SYNE2: variants seen among roughly 807,000 people sequenced by gnomAD.
SYNE2 encodes spectrin repeat containing nuclear envelope protein 2.
In SYNE2, 431 loss-of-function variants were observed where a neutral mutation model predicts 856.3. That is an observed-to-expected ratio of 0.50 (90% CI 0.47 to 0.55). The LOEUF (loss-of-function observed/expected upper bound fraction) is 0.55, where lower values mean the gene tolerates loss of function less well. Among genes scored for constraint, SYNE2 ranks in the 20% least tolerant of loss-of-function variants. The pLI is 0.00. For missense variants in SYNE2, 8,129 were observed against 8,023.2 expected (o/e 1.01, Z -0.50); for synonymous variants, 2,923 against 2,872.3 (o/e 1.02, Z -0.56).
chr14:64,129,233 G>C lies in SYNE2; in HGVS notation c.14020-549G>C, dbSNP rs138798564. On this transcript the variant is annotated intron_variant, in intron 74 of 115. Coordinates refer to ENST00000555002, the MANE Select transcript of SYNE2 (RefSeq NM_182914.3). ...GAGGTGTGATAATTGCTTGAGCTTG[G>C]GGGGCGGAGGTTGCAGTGAACTGAG... Among the ~76,000 whole-genome samples, 824 of 152,340 alleles carry C rather than the reference G, an allele frequency of 5.4e-3. 9 individuals carry two copies. The highest frequency in any genetic ancestry group is 0.019 in the African/African-American group (795 of 41,578).
intron 1 of SYNE2, among the ~76,000 whole-genome samples, chr14:63,818,038 A>AAC: frequency 6.7e-6 from 1 of 148,790 alleles, no homozygotes; most frequent in Middle Eastern, 3.4e-3. Flanking sequence ...AAAAAAAAAA[A>AAC]AAAAAAAACA....
At chr14:63,811,408 C>G (rs1888609081) in intron 1 of SYNE2, among the ~76,000 whole-genome samples, 1 of 152,026 alleles carries the variant, frequency 6.6e-6, no homozygotes, top group Non-Finnish European at 1.5e-5. Flanking sequence ...GTGTGCATCA[C>G]CATGCCTGGC....
intron 31 of SYNE2, among the ~76,000 whole-genome samples, chr14:64,007,486 G>A (rs575976482): frequency 6.6e-6 from 1 of 152,304 alleles, no homozygotes; most frequent in South Asian, 2.1e-4. Context: ...CCCAACTGGG[G>A]TGGTTTCCTA....
intron 1 of SYNE2, among the ~76,000 whole-genome samples, chr14:63,764,756 C>T (rs1393472015): frequency 6.6e-6 from 1 of 151,860 alleles, no homozygotes; most frequent in Non-Finnish European, 1.5e-5. Context: ...CAACAGGCCC[C>T]AGTGTGTGAT....
chr14:63,783,207 A>G (rs1887381274), intron 1 of SYNE2, among the ~76,000 whole-genome samples: 1 of 152,154 alleles, frequency 6.6e-6, no homozygotes, highest in Admixed American at 6.6e-5. Context: ...TGATCGTTTT[A>G]TAAGTGTTTG....
At chr14:64,208,968 T>G in intron 101 of SYNE2, 23 bp downstream of exon 101, 4 of 1,611,690 alleles carry the variant, frequency 2.5e-6, no homozygotes, top group South Asian at 1.1e-5. Flanking sequence ...CTCCCCCAAA[T>G]GCCTTCAGCG....
intron 11 of SYNE2, among the ~76,000 whole-genome samples, chr14:63,971,289 AT>A (rs1327991038): frequency 6.7e-6 from 1 of 150,360 alleles, no homozygotes; most frequent in African/African-American, 2.4e-5. Context: ...TTTCTTTTGT[AT>A]TTTTTTGCAG....
chr14:63,850,371 A>G (rs572151387), upstream of SYNE2, among the ~76,000 whole-genome samples: 104 of 150,210 alleles, frequency 6.9e-4, no homozygotes, highest in Admixed American at 1.9e-3. Flanking sequence ...TACAGGTGGG[A>G]GTCACTGCAC....
In SYNE2 at chr14:64,126,788, A is replaced by G. The variant is rs199649118; in HGVS notation, c.13898A>G (p.Asp4633Gly). ...CRSKSLKAGL[D>G]YNRSYQNEIK... ...AGCAAGTCCCTGAAAGCTGGCCTCGATTACAACCGCAGTTACCAGGTATGA... is the reference window on the plus strand; with the variant it reads ...AGCAAGTCCCTGAAAGCTGGCCTCGGTTACAACCGCAGTTACCAGGTATGA... The change falls in exon 73 of 116, where the codon GAT (aspartate) becomes GGT (glycine). Residue 4633 changes from aspartate to glycine, a missense_variant. This residue lies in a region of SYNE2 where 5,410 missense variants were observed against 5,284.8 expected (regional missense o/e 1.02). Transcript: ENST00000555002. 2.7e-5 allele frequency: 43 copies of G among 1,612,548 alleles called. No homozygotes were observed. Among genetic ancestry groups the G allele is most frequent in the Non-Finnish European group, 2.3e-5 (27 of 1,180,014 alleles).
intron 100 of SYNE2, among the ~76,000 whole-genome samples, chr14:64,204,905 T>C (rs1358434581): frequency 6.6e-6 from 1 of 152,208 alleles, no homozygotes; most frequent in Non-Finnish European, 1.5e-5. Flanking sequence ...CTGGAAGCTC[T>C]GGGGAGAATC....
At position 64,003,018 on chromosome 14, in the gene SYNE2, A is replaced by T. The variant is rs1232845986; in HGVS notation, c.4085A>T (p.Asn1362Ile). 1 of 1,614,224 alleles carries T rather than the reference A, an allele frequency of 6.2e-7. No individual in the cohort carries two copies. The highest frequency in any genetic ancestry group is 1.7e-5 in the Admixed American group (1 of 60,030). The change falls in exon 30 of 116, where the codon AAT (asparagine) becomes ATT (isoleucine). Residue 1362 changes from asparagine (N) to isoleucine (I), a missense_variant. This residue lies in a region of SYNE2 where 2,422 missense variants were observed against 2,357.4 expected (regional missense o/e 1.03). Transcript: ENST00000555002. ...VAQENTLTVK[N>I]KEGEIHLMKD... is the part of the protein sequence containing the mutation. ...CAAGAAAATACGTTGACAGTAAAAA[A>T]TAAAGAGGGAGAAATTCATCTGATG...
chr14:63,913,286 A>G (rs2095494982), intron 2 of SYNE2, among the ~76,000 whole-genome samples: 1 of 152,060 alleles, frequency 6.6e-6, no homozygotes. Context: ...TTTAGTGAAG[A>G]GGATGGTGTT....
rs1437168715 is a variant in SYNE2 at position 64,219,099 on chromosome 14, T to G, written c.19658-109T>G. The G allele has an allele frequency of 6.9e-5, 55 of 793,254 alleles. No homozygotes were observed. The Admixed American group carries it at 8.8e-4, about 13-fold the overall frequency. The allele number at this position is 793,254 out of a possible 1,614,324, so 49.1% of individuals were successfully genotyped here. On this transcript the variant is annotated intron_variant, in intron 109 of 115. Coordinates refer to ENST00000555002, the MANE Select transcript of SYNE2 (RefSeq NM_182914.3). The stretch of plus-strand genomic sequence containing the variant: ...TCTGTCAGGGGAATCCCCTACAGTT[T>G]TTTTGTTTTTTTTTTTTTTTTTTTT...
At chr14:63,962,686 A>G (rs542748230) in intron 9 of SYNE2, among the ~76,000 whole-genome samples, 84 of 152,158 alleles carry the variant, frequency 5.5e-4, no homozygotes, top group Admixed American at 1.4e-3. Context: ...AATTATAGGC[A>G]TGGACCATCC....
At chr14:63,992,242 GAA>G (rs34907122) in intron 21 of SYNE2, among the ~76,000 whole-genome samples, 1 of 147,664 alleles carries the variant, frequency 6.8e-6, no homozygotes. Flanking sequence ...AAAAGAGAAG[GAA>G]AAAAAAAATA....
intron 11 of SYNE2, among the ~76,000 whole-genome samples, chr14:63,976,165 A>G (rs2096541226): frequency 6.6e-6 from 1 of 152,226 alleles, no homozygotes; most frequent in Non-Finnish European, 1.5e-5. Flanking sequence ...GGAAGAAGTT[A>G]TAAATCTGTA....
At chr14:64,098,990 G>A (rs974454025) in intron 63 of SYNE2, 169 bp downstream of exon 63, 4 of 684,432 alleles carry the variant, frequency 5.8e-6, no homozygotes, top group Non-Finnish European at 1.0e-5. Flanking sequence ...TAAGTGTATG[G>A]AAACCTACTT....
chr14:63,780,222 A>G (rs1364336762), intron 1 of SYNE2, among the ~76,000 whole-genome samples: 7 of 152,190 alleles, frequency 4.6e-5, no homozygotes, highest in Non-Finnish European at 8.8e-5. Flanking sequence ...CTATATTTAT[A>G]CAATGGAATA....
In SYNE2 at chr14:64,186,584, G is replaced by C. The variant is rs2098492302; in HGVS notation, c.17712+5G>C. ...TGGGAGGACCTCTGCTTAAGGGTAAGTCAGCTCACTGCAGGGCACGGCTGT... is the reference window on the plus strand; with the variant it reads ...TGGGAGGACCTCTGCTTAAGGGTAACTCAGCTCACTGCAGGGCACGGCTGT... On this transcript the variant is annotated splice_donor_5th_base_variant and intron_variant, in intron 97 of 115. Transcript: ENST00000555002. 6.2e-7 allele frequency: 1 copy of C among 1,614,072 alleles called. No individual in the cohort carries two copies. Among genetic ancestry groups the C allele is most frequent in the South Asian group, 1.1e-5 (1 of 91,092 alleles).
Sources: gnomAD v4.1 joint callset for allele counts (sites outside exome capture counted in the v4.1 genomes callset) on GRCh38, gnomAD v4.1.1 for gene constraint, gnomAD v4.1.1 regional missense constraint, MANE v1.5 for transcripts, NCBI Gene and HGNC (gene_info 2026-07-23, HGNC 2026-07-21) for gene names.